NCKAP5: variants seen among roughly 807,000 people sequenced by gnomAD.
NCKAP5 encodes the protein NCK associated protein 5.
Under a neutral mutation model 167.0 loss-of-function variants are expected in NCKAP5, and 92 were observed. The observed-to-expected ratio is 0.55, with a 90% CI of 0.47 to 0.66. NCKAP5 has a LOEUF of 0.66. Ranked by LOEUF, NCKAP5 falls within the 30% of genes least tolerant of loss-of-function variation. The pLI, the probability that NCKAP5 is intolerant of heterozygous loss-of-function variation, is 0.00. For synonymous variants in NCKAP5, 891 were observed against 877.4 expected (o/e 1.02, Z -0.27); for missense variants, 2,378 against 2,315.0 (o/e 1.03, Z -0.56).
At chr2:133,373,976 G>A (rs1044130319) in intron 3 of NCKAP5, among the ~76,000 whole-genome samples, 1 of 152,210 alleles carries the variant, frequency 6.6e-6, no homozygotes, top group African/African-American at 2.4e-5. Flanking sequence ...AACCCTATAT[G>A]TAGGATAGTA....
At chr2:133,497,271 C>T (rs1229958193) in intron 3 of NCKAP5, among the ~76,000 whole-genome samples, 1 of 152,142 alleles carries the variant, frequency 6.6e-6, no homozygotes, top group Non-Finnish European at 1.5e-5. Flanking sequence ...AAATAAAAAG[C>T]CCTACTACAA....
At chr2:133,019,871 C>T (rs959513568) in intron 6 of NCKAP5, among the ~76,000 whole-genome samples, 2 of 152,190 alleles carry the variant, frequency 1.3e-5, no homozygotes, top group Non-Finnish European at 2.9e-5. Context: ...TTTACCCTTC[C>T]TTAGTGAAAT....
At chr2:132,695,651 C>T (rs1687233076) in intron 19 of NCKAP5, among the ~76,000 whole-genome samples, 2 of 152,024 alleles carry the variant, frequency 1.3e-5, no homozygotes, top group Non-Finnish European at 2.9e-5. Flanking sequence ...GGAGCGAATC[C>T]AAAATAGGAA....
chr2:133,270,277 T>C (rs2089449004), intron 4 of NCKAP5, among the ~76,000 whole-genome samples: 1 of 152,158 alleles, frequency 6.6e-6, no homozygotes, highest in South Asian at 2.1e-4. Flanking sequence ...CACTCAAAAA[T>C]TGGTGAATTT....
At chr2:133,307,900 C>T (rs921425833) in intron 3 of NCKAP5, among the ~76,000 whole-genome samples, 1 of 151,502 alleles carries the variant, frequency 6.6e-6, no homozygotes, top group Non-Finnish European at 1.5e-5. Context: ...TTCATCCCCC[C>T]AAAAAGATGT....
At chr2:132,897,045 A>G (rs571653537) in intron 8 of NCKAP5, among the ~76,000 whole-genome samples, 1 of 152,344 alleles carries the variant, frequency 6.6e-6, no homozygotes, top group East Asian at 1.9e-4. Flanking sequence ...AATTATCCAG[A>G]GATAAATAAT....
At chr2:133,020,316 GGT>G (rs1356597404) in intron 6 of NCKAP5, among the ~76,000 whole-genome samples, 1 of 152,186 alleles carries the variant, frequency 6.6e-6, no homozygotes, top group Non-Finnish European at 1.5e-5. Flanking sequence ...TAACAAAAGA[GGT>G]GTTTGAAAAG....
chr2:132,970,979 A>C (rs1393895714), intron 7 of NCKAP5, among the ~76,000 whole-genome samples: 1 of 152,218 alleles, frequency 6.6e-6, no homozygotes, highest in Admixed American at 6.5e-5. Context: ...CTCAATCAAT[A>C]TTCCATAAGG....
intron 3 of NCKAP5, among the ~76,000 whole-genome samples, chr2:133,509,985 G>C (rs1683346903): frequency 6.6e-6 from 1 of 152,212 alleles, no homozygotes; most frequent in African/African-American, 2.4e-5. Context: ...AAAGGAAGGA[G>C]AGAAGGAAGC....
At chr2:133,480,361 A>G (rs563440340) in intron 3 of NCKAP5, among the ~76,000 whole-genome samples, 1 of 152,178 alleles carries the variant, frequency 6.6e-6, no homozygotes, top group African/African-American at 2.4e-5. Context: ...CTTCTAACAA[A>G]CACACTCCAG....
At chr2:133,617,231 G>C in the NCKAP5 span, among the ~76,000 whole-genome samples, 4 of 152,156 alleles carry the variant, frequency 2.6e-5, no homozygotes, top group Non-Finnish European at 5.9e-5. Flanking sequence ...CATTCCCTTT[G>C]AAAACTGGCA....
At chr2:133,668,559 T>G in the NCKAP5 span, among the ~76,000 whole-genome samples, 1 of 152,032 alleles carries the variant, frequency 6.6e-6, no homozygotes, top group Non-Finnish European at 1.5e-5. Flanking sequence ...GCATATTTTA[T>G]GTATACTAGC....
intron 13 of NCKAP5, among the ~76,000 whole-genome samples, 155 bp downstream of exon 13, chr2:132,789,868 T>C (rs973110207): frequency 2.0e-5 from 3 of 152,204 alleles, no homozygotes; most frequent in Non-Finnish European, 4.4e-5. Flanking sequence ...TATGAGGCTA[T>C]AGCATTGATG....
At chr2:133,506,558 T>C (rs1445079259) in intron 3 of NCKAP5, among the ~76,000 whole-genome samples, 1 of 152,102 alleles carries the variant, frequency 6.6e-6, no homozygotes, top group Non-Finnish European at 1.5e-5. Context: ...CACGTCCCGA[T>C]CCCCTTGCTG....
intron 2 of NCKAP5, among the ~76,000 whole-genome samples, chr2:133,523,105 C>CTTT (rs5834363): frequency 6.8e-6 from 1 of 147,346 alleles, no homozygotes; most frequent in Non-Finnish European, 1.5e-5. Flanking sequence ...CTTAATAACT[C>CTTT]TTTTTTTTTT....
intron 6 of NCKAP5, among the ~76,000 whole-genome samples, chr2:133,020,955 T>A (rs1472970223): frequency 6.6e-6 from 1 of 152,076 alleles, no homozygotes. Context: ...GGACGGACAA[T>A]GTCAGCAGTT....
intron 3 of NCKAP5, among the ~76,000 whole-genome samples, chr2:133,403,054 G>C (rs1053841340): frequency 4.6e-5 from 7 of 152,290 alleles, no homozygotes; most frequent in African/African-American, 1.4e-4. Flanking sequence ...GCTCCAGGTG[G>C]CACACCACTT....
At chr2:133,629,585 C>T in the NCKAP5 span, among the ~76,000 whole-genome samples, 3 of 151,964 alleles carry the variant, frequency 2.0e-5, no homozygotes, top group Non-Finnish European at 4.4e-5. Context: ...TCCTCAAAGG[C>T]CTAGAACCAG....
chr2:133,204,845 C>T (rs183479281), intron 5 of NCKAP5, among the ~76,000 whole-genome samples: 58 of 152,312 alleles, frequency 3.8e-4, no homozygotes, highest in Admixed American at 3.3e-3. Context: ...TTACAATGTG[C>T]ATTTCTCTGA....
Sources: gnomAD v4.1 joint callset for allele counts (sites outside exome capture counted in the v4.1 genomes callset) on GRCh38, gnomAD v4.1.1 for gene constraint, MANE v1.5 for transcripts, NCBI Gene and HGNC (gene_info 2026-07-23, HGNC 2026-07-21) for gene names.